The following DLGAP2 variants were observed in gnomAD, a reference collection of about 807,000 sequenced individuals.
The protein encoded by DLGAP2 is disks large-associated protein 2.
Under a neutral mutation model 100.3 loss-of-function variants are expected in DLGAP2, and 26 were observed. The observed-to-expected ratio is 0.26, with a 90% CI of 0.19 to 0.36. DLGAP2 has a LOEUF of 0.36. Ranked by LOEUF, DLGAP2 falls within the 10% of genes least tolerant of loss-of-function variation. The pLI, the probability that DLGAP2 is intolerant of heterozygous loss-of-function variation, is 1.00. For synonymous variants in DLGAP2, 886 were observed against 630.1 expected (o/e 1.41, Z -6.08); for missense variants, 1,858 against 1,453.2 (o/e 1.28, Z -4.53).
chr8:1,595,789 A>C (rs1216541284), intron 6 of DLGAP2, among the ~76,000 whole-genome samples: 2 of 151,876 alleles, frequency 1.3e-5, no homozygotes, highest in African/African-American at 4.8e-5. Flanking sequence ...TTTTTTAACT[A>C]TAAATATTTA....
chr8:1,455,250 A>AG (rs1319995722), intron 3 of DLGAP2, among the ~76,000 whole-genome samples: 11 of 152,230 alleles, frequency 7.2e-5, no homozygotes, highest in African/African-American at 2.7e-4. Flanking sequence ...GTGCAGGTGC[A>AG]GGTGGGTCCC....
At chr8:1,282,366 C>G (rs1799835516) in intron 3 of DLGAP2, among the ~76,000 whole-genome samples, 1 of 147,046 alleles carries the variant, frequency 6.8e-6, no homozygotes, top group African/African-American at 2.5e-5. Flanking sequence ...CGTGGTGTGA[C>G]CTGAACCCAG....
At chr8:1,418,695 T>C (rs1458426691) in intron 3 of DLGAP2, among the ~76,000 whole-genome samples, 2 of 152,162 alleles carry the variant, frequency 1.3e-5, no homozygotes, top group African/African-American at 4.8e-5. Context: ...GGCCACCAAA[T>C]GTGTGTATAT....
chr8:1,058,789 C>T (rs753329082), intron 2 of DLGAP2, among the ~76,000 whole-genome samples: 1 of 152,204 alleles, frequency 6.6e-6, no homozygotes, highest in African/African-American at 2.4e-5. Context: ...TTGAGGCCCA[C>T]CCCAGATTAT....
chr8:1,223,771 C>G (rs1485527170), intron 2 of DLGAP2, among the ~76,000 whole-genome samples: 1 of 152,108 alleles, frequency 6.6e-6, no homozygotes. Context: ...GGATAATCAA[C>G]CTGTCGGAAT....
At chr8:1,104,290 A>G (rs1330871940) in intron 2 of DLGAP2, among the ~76,000 whole-genome samples, 1 of 151,946 alleles carries the variant, frequency 6.6e-6, no homozygotes, top group East Asian at 1.9e-4. Context: ...AAAAGAGCTC[A>G]GGAGTGGGTT....
chr8:1,533,232 C>G (rs1374721541), intron 4 of DLGAP2, among the ~76,000 whole-genome samples: 1 of 151,972 alleles, frequency 6.6e-6, no homozygotes, highest in Non-Finnish European at 1.5e-5. Flanking sequence ...GGCGCAGTGG[C>G]TCATGCCTGT....
intron 2 of DLGAP2, among the ~76,000 whole-genome samples, chr8:1,036,397 G>A (rs1385315794): frequency 6.6e-6 from 1 of 152,242 alleles, no homozygotes; most frequent in Non-Finnish European, 1.5e-5. Context: ...TGGGGCTGGC[G>A]AGAGCTCAGC....
chr8:1,238,250 T>A (rs1798707557), intron 2 of DLGAP2, among the ~76,000 whole-genome samples: 1 of 56,788 alleles, frequency 1.8e-5, no homozygotes, highest in African/African-American at 9.1e-5. Context: ...GTGCCATGTC[T>A]AGTTCTCTCA....
chr8:1,700,405 A>G (rs1300683734), intron 14 of DLGAP2, among the ~76,000 whole-genome samples: 2 of 72,198 alleles, frequency 2.8e-5, no homozygotes, highest in African/African-American at 7.9e-5. Context: ...CACTGTCTTT[A>G]GGAACAATGT....
intron 2 of DLGAP2, among the ~76,000 whole-genome samples, chr8:1,114,265 T>G (rs1158250844): frequency 6.6e-6 from 1 of 152,182 alleles, no homozygotes; most frequent in Non-Finnish European, 1.5e-5. Flanking sequence ...ATAGGTTCAG[T>G]AGAAATAGTA....
chr8:1,163,330 C>T (rs555730163), intron 2 of DLGAP2, among the ~76,000 whole-genome samples: 63 of 152,338 alleles, frequency 4.1e-4, no homozygotes, highest in African/African-American at 1.4e-3. Context: ...TGCCTGCTGC[C>T]GGCCTTCCCG....
In DLGAP2 at chr8:1,197,221, C is replaced by T. The variant is rs180970001; in HGVS notation, c.74-61630C>T. On this transcript the variant is annotated intron_variant, in intron 2 of 14. Coordinates refer to ENST00000637795, the MANE Select transcript of DLGAP2 (RefSeq NM_001346810.2). Reference sequence around the variant, plus strand: ...TGTTCCCACATTGCAGAGTCCACTTCAGGTCTCTTCTGGAAATGCCATCAC... The same window carrying T: ...TGTTCCCACATTGCAGAGTCCACTTTAGGTCTCTTCTGGAAATGCCATCAC... Among the ~76,000 whole-genome samples the T allele has an allele frequency of 3.1e-3, 468 of 152,284 alleles. 4 individuals carry two copies. Among genetic ancestry groups the T allele is most frequent in the African/African-American group, 0.011 (441 of 41,564 alleles).
intron 2 of DLGAP2, among the ~76,000 whole-genome samples, chr8:1,237,285 A>C: frequency 7.6e-6 from 1 of 132,050 alleles, no homozygotes; most frequent in Non-Finnish European, 1.6e-5. Flanking sequence ...TCTCACACAT[A>C]GCGTCATGTC....
At chr8:1,237,166 A>G (rs1345614808) in intron 2 of DLGAP2, among the ~76,000 whole-genome samples, 3 of 127,358 alleles carry the variant, frequency 2.4e-5, no homozygotes, top group South Asian at 2.6e-4. Context: ...CGCCGTGTCT[A>G]GTTCTCTCAC....
intron 2 of DLGAP2, among the ~76,000 whole-genome samples, chr8:1,177,717 T>G (rs1264690695): frequency 2.6e-5 from 4 of 152,162 alleles, no homozygotes; most frequent in African/African-American, 9.6e-5. Context: ...AGTCTGAGAT[T>G]GAGATGCCAG....
chr8:987,310 G>A (rs867191822), intron 2 of DLGAP2, among the ~76,000 whole-genome samples: 6 of 152,112 alleles, frequency 3.9e-5, no homozygotes, highest in South Asian at 2.1e-4. Context: ...ACGTGTCCAC[G>A]GGTCCTGCTG....
chr8:1,081,502 T>C (rs1263946454), intron 2 of DLGAP2, among the ~76,000 whole-genome samples: 3 of 152,070 alleles, frequency 2.0e-5, no homozygotes, highest in Non-Finnish European at 4.4e-5. Context: ...CAGGCCCCCG[T>C]CACCACGCCC....
chr8:1,358,499 C>A (rs958308095), intron 3 of DLGAP2, among the ~76,000 whole-genome samples: 2 of 152,168 alleles, frequency 1.3e-5, no homozygotes, highest in Non-Finnish European at 2.9e-5. Context: ...CTGCGTTCAC[C>A]CACTTCACCA....
Sources: gnomAD v4.1 joint callset for allele counts (sites outside exome capture counted in the v4.1 genomes callset) on GRCh38, gnomAD v4.1.1 for gene constraint, MANE v1.5 for transcripts, NCBI Gene and HGNC (gene_info 2026-07-23, HGNC 2026-07-21) for gene names.